DMRT1: variants seen among roughly 807,000 people sequenced by gnomAD.
DMRT1 encodes doublesex- and mab-3-related transcription factor 1.
DMRT1 carries 7 observed loss-of-function variants against 32.3 expected under a neutral mutation model. That is an observed-to-expected ratio of 0.22 (90% confidence interval 0.12 to 0.41). DMRT1 has a LOEUF of 0.41. Among genes scored for constraint, DMRT1 ranks in the 10% least tolerant of loss-of-function variants. The probability of loss-of-function intolerance (pLI) is 1.00; values close to 1 mark genes in which losing one functional copy is unlikely to be tolerated. For synonymous variants in DMRT1, 278 were observed against 206.1 expected (o/e 1.35, Z -2.99); for missense variants, 625 against 500.5 (o/e 1.25, Z -2.37).
At chr9:907,109 C>G (rs959883641) in intron 3 of DMRT1, among the ~76,000 whole-genome samples, 1 of 152,152 alleles carries the variant, frequency 6.6e-6, no homozygotes, top group Non-Finnish European at 1.5e-5. Context: ...AACCCCCATC[C>G]GTACAAACAC....
intron 4 of DMRT1, among the ~76,000 whole-genome samples, chr9:945,450 C>G (rs1314186571): frequency 1.7e-4 from 26 of 152,216 alleles, no homozygotes; most frequent in Admixed American, 1.6e-3. Flanking sequence ...GCCACCGTAT[C>G]TGGCCTGTTT....
intron 4 of DMRT1, among the ~76,000 whole-genome samples, chr9:963,259 A>G (rs796098870): frequency 5.9e-5 from 9 of 152,266 alleles, no homozygotes; most frequent in African/African-American, 2.2e-4. Flanking sequence ...ACAATACGCA[A>G]AGTGCAGAGC....
intron 4 of DMRT1, among the ~76,000 whole-genome samples, chr9:928,456 A>C (rs1018960955): frequency 6.6e-6 from 1 of 152,190 alleles, no homozygotes; most frequent in Non-Finnish European, 1.5e-5. Flanking sequence ...TAGCCTTCCC[A>C]GCCATACTCT....
intron 2 of DMRT1, among the ~76,000 whole-genome samples, chr9:862,738 G>C (rs1285908216): frequency 6.6e-6 from 1 of 152,088 alleles, no homozygotes; most frequent in Non-Finnish European, 1.5e-5. Context: ...TGTAGTTTTG[G>C]TGGGTGTTGT....
Position 841,802 on chromosome 9 carries a change from AG to A in DMRT1, c.-32del. On this transcript the variant is annotated 5_prime_UTR_variant, in exon 1 of 5. Transcript: ENST00000382276. ...CCTCGCAGCAGTCTCCAGGCGAGAG[AG>A]GGGGCCAGAGTGCTCGCACTTCTCC... 6 of 1,582,830 alleles carry A rather than the reference AG, an allele frequency of 3.8e-6. No homozygotes were observed. Among genetic ancestry groups the A allele is most frequent in the Middle Eastern group, 1.9e-4 (1 of 5,248 alleles).
intron 4 of DMRT1, among the ~76,000 whole-genome samples, chr9:919,456 T>C (rs1035983612): frequency 1.3e-5 from 2 of 152,126 alleles, no homozygotes; most frequent in Admixed American, 6.5e-5. Flanking sequence ...AGTTTTCCTT[T>C]TGTCGTGTTA....
rs369194966 is a variant in DMRT1 at position 876,302 on chromosome 9, GC to G, written c.539-17609del. 4.1e-3 allele frequency among the ~76,000 whole-genome samples: 626 copies of G among 152,216 alleles called. 4 individuals are homozygous for G. The highest frequency in any genetic ancestry group is 0.014 in the African/African-American group (597 of 41,522). On this transcript the variant is annotated intron_variant, in intron 2 of 4. Coordinates refer to ENST00000382276, the MANE Select transcript of DMRT1 (RefSeq NM_021951.3). ...AAGGTAGAAGAGCCACAAGTCAGGG[GC>G]TTTGGGCCAGTGGGAAGTGACCTGG...
At chr9:847,748 T>A (rs1838967706) in intron 2 of DMRT1, among the ~76,000 whole-genome samples, 1 of 152,246 alleles carries the variant, frequency 6.6e-6, no homozygotes, top group South Asian at 2.1e-4. Context: ...CAATACTCAA[T>A]GTGCTTACTG....
intron 3 of DMRT1, among the ~76,000 whole-genome samples, chr9:905,978 C>G (rs1283924090): frequency 6.6e-6 from 1 of 152,004 alleles, no homozygotes; most frequent in African/African-American, 2.4e-5. Context: ...CCGTGAAATT[C>G]TGGAAAATCA....
At chr9:856,090 T>C (rs1815387651) in intron 2 of DMRT1, among the ~76,000 whole-genome samples, 1 of 152,050 alleles carries the variant, frequency 6.6e-6, no homozygotes, top group South Asian at 2.1e-4. Context: ...CTAATTTTTG[T>C]ATTTTTAGTA....
At chr9:865,896 G>T (rs767150949) in intron 2 of DMRT1, among the ~76,000 whole-genome samples, 1 of 152,076 alleles carries the variant, frequency 6.6e-6, no homozygotes, top group Non-Finnish European at 1.5e-5. Context: ...GCGCACGGTG[G>T]CTCACACCTG....
chr9:880,462 T>C lies in DMRT1; in HGVS notation c.539-13450T>C, dbSNP rs150342431. ...GTAGCTTGGGCTGGGCGTGGTGGCT[T>C]ACACCTGTAATCCCAGCACTTTGGG... On this transcript the variant is annotated intron_variant, in intron 2 of 4. Transcript: ENST00000382276. Among the ~76,000 whole-genome samples the C allele has an allele frequency of 1.3e-3, 200 of 151,894 alleles. 3 individuals are homozygous for C. The highest frequency in any genetic ancestry group is 7.3e-3 in the South Asian group (35 of 4,806).
chr9:844,606 G>A (rs1187303519), intron 1 of DMRT1, among the ~76,000 whole-genome samples: 3 of 146,890 alleles, frequency 2.0e-5, no homozygotes, highest in Non-Finnish European at 4.4e-5. Flanking sequence ...CTAAGTCGAA[G>A]ACTTTTTTTT....
intron 1 of DMRT1, among the ~76,000 whole-genome samples, chr9:845,525 G>A (rs1365928436): frequency 2.6e-5 from 4 of 151,980 alleles, no homozygotes; most frequent in African/African-American, 9.7e-5. Flanking sequence ...AATCTTTAAC[G>A]GTGTTATTGA....
intron 4 of DMRT1, among the ~76,000 whole-genome samples, chr9:953,153 C>G (rs112028609): frequency 0.013 from 2,014 of 152,210 alleles, 58 homozygotes; most frequent in African/African-American, 0.045. Flanking sequence ...TGGAGTCAAG[C>G]TTACTTATCT....
chr9:937,609 AT>A (rs1182735784), intron 4 of DMRT1, among the ~76,000 whole-genome samples: 1 of 151,938 alleles, frequency 6.6e-6, no homozygotes, highest in East Asian at 1.9e-4. Flanking sequence ...GATGTTGAGC[AT>A]TTTTTTCATG....
intron 3 of DMRT1, among the ~76,000 whole-genome samples, chr9:914,446 C>G (rs549612858): frequency 1.3e-5 from 2 of 151,604 alleles, no homozygotes; most frequent in Non-Finnish European, 2.9e-5. Flanking sequence ...TGGTGGCGGG[C>G]GCCTGTAGTC....
intron 2 of DMRT1, among the ~76,000 whole-genome samples, chr9:859,865 G>C (rs1040657500): frequency 5.2e-5 from 7 of 134,568 alleles, no homozygotes; most frequent in Non-Finnish European, 1.1e-4. Context: ...TTTATTGGCA[G>C]TAAGGTTCTT....
chr9:902,189 C>A (rs1048446764), intron 3 of DMRT1, among the ~76,000 whole-genome samples: 2 of 151,030 alleles, frequency 1.3e-5, no homozygotes, highest in Admixed American at 6.6e-5. Context: ...GGATTACAGG[C>A]GTGAGCCACC....
Sources: allele counts gnomAD v4.1 joint callset (sites outside exome capture counted in the v4.1 genomes callset), GRCh38; gene constraint gnomAD v4.1.1; transcripts MANE v1.5; gene names NCBI Gene and HGNC (gene_info 2026-07-23, HGNC 2026-07-21).